Variants in RBPMS observed in about 807,000 individuals in gnomAD.
The protein encoded by RBPMS is RNA-binding protein with multiple splicing.
In RBPMS, 7 loss-of-function variants were observed where a neutral mutation model predicts 26.8. The observed-to-expected ratio is 0.26, with a 90% CI of 0.15 to 0.49. RBPMS has a LOEUF of 0.49. RBPMS is among the 20% of genes least tolerant of loss of function. The pLI is 0.98. For synonymous variants in RBPMS, 96 were observed against 93.3 expected (o/e 1.03, Z -0.17); for missense variants, 186 against 250.0 (o/e 0.74, Z 1.73).
chr8:30,434,068 G>A (rs551418483), intron 1 of RBPMS, among the ~76,000 whole-genome samples: 1 of 151,974 alleles, frequency 6.6e-6, no homozygotes, highest in Non-Finnish European at 1.5e-5. Flanking sequence ...AGTGAGCCAA[G>A]TTTACACCAC....
In RBPMS at chr8:30,499,159, C is replaced by T. The variant is rs371099376; in HGVS notation, c.247-5127C>T. ...AGCAATGAAGGCAATCCCAGCTACTCGGGAGGCTGAGGCAGGAGAATTGCT... is the reference window on the plus strand; with the variant it reads ...AGCAATGAAGGCAATCCCAGCTACTTGGGAGGCTGAGGCAGGAGAATTGCT... On this transcript the variant is annotated intron_variant, in intron 4 of 8. Coordinates refer to ENST00000397323, the MANE Select transcript of RBPMS (RefSeq NM_001008710.3). 4.3e-4 allele frequency among the ~76,000 whole-genome samples: 65 copies of T among 152,136 alleles called. No individual in the cohort carries two copies. In the South Asian group the frequency reaches 6.4e-3, roughly 15 times the overall value.
intron 6 of RBPMS, chr8:30,556,208 C>T: frequency 2.0e-6 from 2 of 985,458 alleles, no homozygotes; most frequent in Non-Finnish European, 1.2e-6. Context: ...CTCTGAGGAG[C>T]AGCCACCTAT....
rs569191256 is a variant in RBPMS, at chr8:30,518,251, A to G, written c.397+13815A>G. On this transcript the variant is annotated intron_variant, in intron 5 of 8. Transcript: ENST00000397323. ...TTCTGTAGGGCAGAATTCCAGGCAC[A>G]GGTTAACTGGATCCTGCTTATGGTC... Among the ~76,000 whole-genome samples the G allele has an allele frequency of 1.2e-4, 19 of 152,344 alleles. No individual in the cohort carries two copies. In the South Asian group the frequency reaches 3.3e-3, roughly 27 times the overall value.
intron 1 of RBPMS, among the ~76,000 whole-genome samples, chr8:30,422,424 TAAATAA>T (rs1810899707): frequency 1.3e-5 from 2 of 152,094 alleles, no homozygotes; most frequent in African/African-American, 4.8e-5. Flanking sequence ...GAAATTTTCT[TAAATAA>T]TAATAATACT....
intron 6 of RBPMS, chr8:30,553,563 GGCAGA>G (rs1171787804): frequency 6.6e-6 from 1 of 152,212 alleles, no homozygotes; most frequent in East Asian, 1.9e-4. Flanking sequence ...GAGCGAGTAG[GGCAGA>G]GCTGATGGTA....
At chr8:30,569,138 A>G (rs1009807185) in intron 8 of RBPMS, among the ~76,000 whole-genome samples, 1 of 152,194 alleles carries the variant, frequency 6.6e-6, no homozygotes, top group Non-Finnish European at 1.5e-5. Context: ...GCTGGTGTAC[A>G]GAACCCAAAG....
intron 7 of RBPMS, among the ~76,000 whole-genome samples, chr8:30,560,700 C>G (rs1563454157): frequency 2.0e-5 from 3 of 152,140 alleles, no homozygotes; most frequent in Admixed American, 1.3e-4. Flanking sequence ...ATTCTCAGAG[C>G]CTTTATTACC....
intron 1 of RBPMS, among the ~76,000 whole-genome samples, chr8:30,463,044 G>T (rs1816107933): frequency 6.6e-6 from 1 of 152,178 alleles, no homozygotes; most frequent in South Asian, 2.1e-4. Context: ...CCTCAAGCCT[G>T]TGTATAACAG....
At chr8:30,488,640 C>T (rs775370084) in intron 4 of RBPMS, among the ~76,000 whole-genome samples, 3 of 152,180 alleles carry the variant, frequency 2.0e-5, no homozygotes, top group Non-Finnish European at 2.9e-5. Context: ...TTCACCCTGT[C>T]CCCTTGATTT....
chr8:30,410,382 G>A (rs988736244), intron 1 of RBPMS, among the ~76,000 whole-genome samples: 21 of 151,758 alleles, frequency 1.4e-4, no homozygotes, highest in Admixed American at 3.3e-4. Flanking sequence ...CTAATTTTTT[G>A]TATTTTTAGT....
intron 5 of RBPMS, among the ~76,000 whole-genome samples, chr8:30,528,259 C>T (rs2979499): frequency 0.2 from 29,715 of 151,696 alleles, 3,179 homozygotes; most frequent in South Asian, 0.39. Context: ...ACATTGCTTT[C>T]GGAGAGGTAC....
intron 1 of RBPMS, among the ~76,000 whole-genome samples, chr8:30,409,956 C>T (rs1809130412): frequency 6.6e-6 from 1 of 152,068 alleles, no homozygotes. Flanking sequence ...TATGTGTCTA[C>T]GTGTATTCAT....
chr8:30,485,619 C>T (rs28550281), intron 4 of RBPMS, among the ~76,000 whole-genome samples: 9,367 of 152,188 alleles, frequency 0.062, 925 homozygotes, highest in African/African-American at 0.21. Context: ...TGATGTGGGG[C>T]CATTGGGCCC....
intron 4 of RBPMS, among the ~76,000 whole-genome samples, chr8:30,482,326 G>GT (rs1295392526): frequency 2.6e-5 from 4 of 152,102 alleles, no homozygotes; most frequent in African/African-American, 9.7e-5. Context: ...GTAATGTTTT[G>GT]TTTTATTCCA....
At chr8:30,410,509 A>G (rs1338073809) in intron 1 of RBPMS, among the ~76,000 whole-genome samples, 2 of 151,854 alleles carry the variant, frequency 1.3e-5, no homozygotes, top group Admixed American at 6.6e-5. Flanking sequence ...TGCCTGGCCA[A>G]CTACTACTCT....
intron 4 of RBPMS, among the ~76,000 whole-genome samples, chr8:30,481,115 C>T (rs1390917530): frequency 6.6e-6 from 1 of 152,134 alleles, no homozygotes; most frequent in African/African-American, 2.4e-5. Flanking sequence ...TTAAAGATAA[C>T]TGAAGGGTTT....
intron 5 of RBPMS, among the ~76,000 whole-genome samples, chr8:30,528,273 G>A (rs1350219678): frequency 6.6e-6 from 1 of 152,140 alleles, no homozygotes; most frequent in East Asian, 1.9e-4. Flanking sequence ...GAGGTACTAA[G>A]GTGCTCAAGC....
chr8:30,541,875 C>CA (rs1363032955), intron 5 of RBPMS, among the ~76,000 whole-genome samples: 1 of 152,164 alleles, frequency 6.6e-6, no homozygotes, highest in African/African-American at 2.4e-5. Context: ...CAAACAAACG[C>CA]AAAAAGCTTA....
At chr8:30,495,067 C>G (rs1819786006) in intron 4 of RBPMS, among the ~76,000 whole-genome samples, 1 of 152,100 alleles carries the variant, frequency 6.6e-6, no homozygotes, top group African/African-American at 2.4e-5. Context: ...GATTAGGCTT[C>G]TCTATCATGG....
Sources: gnomAD v4.1 joint callset for allele counts (sites outside exome capture counted in the v4.1 genomes callset) on GRCh38, gnomAD v4.1.1 for gene constraint, MANE v1.5 for transcripts, NCBI Gene and HGNC (gene_info 2026-07-23, HGNC 2026-07-21) for gene names.